The following GABRA2 variants were observed in gnomAD, a reference collection of about 807,000 sequenced individuals.
GABRA2 encodes the protein gamma-aminobutyric acid type A receptor subunit alpha2.
GABRA2 carries 16 observed loss-of-function variants against 48.7 expected under a neutral mutation model. The observed-to-expected ratio is 0.33, with a 90% confidence interval of 0.22 to 0.50. The LOEUF (loss-of-function observed/expected upper bound fraction) is 0.50, where lower values mean the gene tolerates loss of function less well. Ranked by LOEUF, GABRA2 falls within the 20% of genes least tolerant of loss-of-function variation. GABRA2 has a pLI of 0.98. For synonymous variants in GABRA2, 185 were observed against 184.5 expected (o/e 1.00, Z -0.02); for missense variants, 275 against 535.6 (o/e 0.51, Z 4.80).
chr4:46,278,760 G>T (rs569577891), intron 8 of GABRA2, among the ~76,000 whole-genome samples: 26 of 152,008 alleles, frequency 1.7e-4, no homozygotes, highest in African/African-American at 5.5e-4. Flanking sequence ...CAATTACACT[G>T]AAAACAAGTA....
chr4:46,366,166 A>C (rs1460946381), intron 3 of GABRA2: 2 of 152,126 alleles, frequency 1.3e-5, no homozygotes, highest in Admixed American at 6.6e-5. Flanking sequence ...GAGTAAAATC[A>C]GCAGTGAGAG....
intron 3 of GABRA2, among the ~76,000 whole-genome samples, chr4:46,337,044 CA>C (rs1214337545): frequency 6.6e-6 from 1 of 151,714 alleles, no homozygotes; most frequent in African/African-American, 2.4e-5. Context: ...AATTGATGTT[CA>C]ATTATGATTT....
chr4:46,277,480 T>C (rs535597167), intron 8 of GABRA2, among the ~76,000 whole-genome samples: 7 of 152,290 alleles, frequency 4.6e-5, no homozygotes, highest in East Asian at 1.9e-4. Context: ...CCTATCCTAC[T>C]ACCACCCAGG....
At chr4:46,381,460 A>G (rs888448481) in intron 3 of GABRA2, among the ~76,000 whole-genome samples, 2 of 152,198 alleles carry the variant, frequency 1.3e-5, no homozygotes, top group Non-Finnish European at 2.9e-5. Flanking sequence ...TCAGGCCCAC[A>G]ATGAAATAAG....
chr4:46,248,139 A>G lies in GABRA2; in HGVS notation c.*2169T>C, dbSNP rs1342090619. The stretch of plus-strand genomic sequence containing the variant: ...AACTGTTATTTACAACTGTTTTTAC[A>G]TATACACATATTTATAAATTTATAA... On this transcript the variant is annotated 3_prime_UTR_variant, in exon 10 of 10. Transcript: ENST00000381620. Among the ~76,000 whole-genome samples, 2 of 151,288 alleles carry G rather than the reference A, an allele frequency of 1.3e-5. No homozygotes were observed. The highest frequency in any genetic ancestry group is 3.0e-5 in the Non-Finnish European group (2 of 67,516).
chr4:46,389,581 T>C, intron 1 of GABRA2, 154 bp downstream of exon 1: 1 of 464,172 alleles, frequency 2.2e-6, no homozygotes, highest in Non-Finnish European at 2.8e-6. Flanking sequence ...CGAAATTATT[T>C]TTTAAGTGCG....
chr4:46,335,838 G>T (rs754413804), intron 3 of GABRA2, among the ~76,000 whole-genome samples: 5 of 151,982 alleles, frequency 3.3e-5, no homozygotes, highest in Admixed American at 6.6e-5. Flanking sequence ...CCATTATCTC[G>T]CATTTTCTCT....
At chr4:46,369,829 C>T (rs976530619) in intron 3 of GABRA2, among the ~76,000 whole-genome samples, 1 of 151,788 alleles carries the variant, frequency 6.6e-6, no homozygotes, top group African/African-American at 2.4e-5. Flanking sequence ...AGATTTGTTC[C>T]AAAGGAAATG....
chr4:46,311,235 T>A (rs1037625911), intron 5 of GABRA2, among the ~76,000 whole-genome samples: 4 of 152,168 alleles, frequency 2.6e-5, no homozygotes, highest in Admixed American at 2.6e-4. Flanking sequence ...AAAGACTAGC[T>A]AGCACTTCCA....
At chr4:46,279,944 C>T (rs1356086159) in intron 8 of GABRA2, among the ~76,000 whole-genome samples, 4 of 151,748 alleles carry the variant, frequency 2.6e-5, no homozygotes, top group African/African-American at 7.3e-5. Flanking sequence ...TATAAGTTTT[C>T]GAATGGATTT....
At chr4:46,269,730 T>G (rs1718927467) in intron 8 of GABRA2, among the ~76,000 whole-genome samples, 1 of 151,858 alleles carries the variant, frequency 6.6e-6, no homozygotes, top group African/African-American at 2.4e-5. Flanking sequence ...TTCACATTTT[T>G]TTACTATTGT....
At chr4:46,353,010 C>G (rs1256686331) in intron 3 of GABRA2, among the ~76,000 whole-genome samples, 1 of 152,024 alleles carries the variant, frequency 6.6e-6, no homozygotes, top group Admixed American at 6.6e-5. Flanking sequence ...TTACTCAGCA[C>G]CAATTTTGTG....
intron 8 of GABRA2, among the ~76,000 whole-genome samples, chr4:46,268,023 G>A (rs1718591737): frequency 6.6e-6 from 1 of 151,732 alleles, no homozygotes; most frequent in Non-Finnish European, 1.5e-5. Flanking sequence ...AGGGATAGTC[G>A]ACCTGTACTA....
At chr4:46,259,308 T>C (rs779770282) in intron 9 of GABRA2, among the ~76,000 whole-genome samples, 24 of 151,950 alleles carry the variant, frequency 1.6e-4, no homozygotes, top group Non-Finnish European at 2.8e-4. Flanking sequence ...AATTCAGAGT[T>C]TGATAATCTG....
At chr4:46,304,627 C>G (rs1169853118) in intron 7 of GABRA2, among the ~76,000 whole-genome samples, 2 of 151,610 alleles carry the variant, frequency 1.3e-5, no homozygotes, top group African/African-American at 4.8e-5. Flanking sequence ...AAATAGAAAA[C>G]TAAAGAAATT....
At chr4:46,274,667 A>G (rs1720134247) in intron 8 of GABRA2, among the ~76,000 whole-genome samples, 1 of 152,114 alleles carries the variant, frequency 6.6e-6, no homozygotes, top group Non-Finnish European at 1.5e-5. Flanking sequence ...CGTGCCTTAA[A>G]TACAGAGTTG....
rs1713189372 is a variant in GABRA2, at chr4:46,243,744, T to C, written c.*6564A>G. ...AGTTATTTTCATGAACCAGAAAACC[T>C]ACCAATAAGTATACTGTCACCCAGA... On this transcript the variant is annotated 3_prime_UTR_variant, in exon 10 of 10. Coordinates refer to ENST00000381620, the MANE Select transcript of GABRA2 (RefSeq NM_000807.4). 6.6e-6 allele frequency: 1 copy of C among 151,430 alleles called. No homozygotes were observed. Among genetic ancestry groups the C allele is most frequent in the African/African-American group, 2.4e-5 (1 of 41,370 alleles). The allele number at this position is 151,430 out of a possible 1,614,324, so 9.4% of individuals were successfully genotyped here.
At chr4:46,273,502 C>CATATATATATATATAT (rs71637683) in intron 8 of GABRA2, among the ~76,000 whole-genome samples, 4 of 48,138 alleles carry the variant, frequency 8.3e-5, no homozygotes, top group South Asian at 9.8e-4. Flanking sequence ...TATATATATG[C>CATATATATATATATAT]ATATATATAT....
chr4:46,274,159 T>A (rs1720039259), intron 8 of GABRA2, among the ~76,000 whole-genome samples: 2 of 152,222 alleles, frequency 1.3e-5, no homozygotes, highest in East Asian at 3.9e-4. Flanking sequence ...GTAGCTCATA[T>A]AACAACCATG....
Sources: gnomAD v4.1 joint callset for allele counts (sites outside exome capture counted in the v4.1 genomes callset) on GRCh38, gnomAD v4.1.1 for gene constraint, MANE v1.5 for transcripts, NCBI Gene and HGNC (gene_info 2026-07-23, HGNC 2026-07-21) for gene names.